Variants in ZNF18 observed in about 807,000 individuals in gnomAD.
ZNF18 encodes the protein zinc finger protein 18.
A neutral mutation model predicts 58.1 loss-of-function variants in ZNF18; 42 were observed. The ratio of observed to expected loss-of-function variants is 0.72; its 90% CI spans 0.56 to 0.93. ZNF18 has a LOEUF of 0.93. Ranked by LOEUF, ZNF18 falls within the 40% of genes least tolerant of loss-of-function variation. ZNF18 has a pLI of 0.00. For missense variants in ZNF18, 540 were observed against 644.2 expected (o/e 0.84, Z 1.75); for synonymous variants, 231 against 239.8 (o/e 0.96, Z 0.34).
At position 11,990,512 on chromosome 17, in the gene ZNF18, G is replaced by A; in HGVS notation, c.616C>T (p.Leu206=). 1 of 1,612,540 alleles carries A rather than the reference G, an allele frequency of 6.2e-7. No homozygotes were observed. The highest frequency in any genetic ancestry group is 8.5e-7 in the Non-Finnish European group (1 of 1,179,692). The change falls in exon 4 of 7, where the codon CTG becomes TTG. Residue 206 remains leucine (L), a synonymous_variant. Transcript: ENST00000580306. ...ASQPARLEER[L]IRDQDLGASL... ...GCTCCGAGGTCCTGGTCTCTGATCA[G>A]CCTTTCCTCCAGTCGGGCAGGCTGG...
chr17:11,991,693 A>C (rs189850435), intron 2 of ZNF18, among the ~76,000 whole-genome samples: 10 of 152,258 alleles, frequency 6.6e-5, no homozygotes, highest in African/African-American at 1.7e-4. Flanking sequence ...ATTCATAAGG[A>C]GCCCTTCTCA....
the ZNF18 span, among the ~76,000 whole-genome samples, chr17:12,020,023 A>G: frequency 1.3e-5 from 2 of 152,214 alleles, no homozygotes; most frequent in Non-Finnish European, 2.9e-5. Context: ...TTCCTAAAAT[A>G]AAAGTCTCTG....
chr17:11,982,169 C>T (rs1967405924), intron 6 of ZNF18, among the ~76,000 whole-genome samples: 1 of 152,204 alleles, frequency 6.6e-6, no homozygotes, highest in Admixed American at 6.5e-5. Context: ...ACTTCCCAAC[C>T]TCCAGAAATG....
intron 6 of ZNF18, among the ~76,000 whole-genome samples, chr17:11,982,020 TCCTCTCCCTCTCTCACCTCCC>T (rs1427752605): frequency 6.6e-6 from 1 of 151,840 alleles, no homozygotes; most frequent in Non-Finnish European, 1.5e-5. Flanking sequence ...TCCTGTCTCC[TCCTCTCCCTCTCTCACCTCCC>T]CCTCTCCCAG....
At chr17:11,990,214 GAA>G (rs982015290) in intron 4 of ZNF18, among the ~76,000 whole-genome samples, 5 of 151,870 alleles carry the variant, frequency 3.3e-5, no homozygotes, top group African/African-American at 1.2e-4. Context: ...TAAAAAATGA[GAA>G]TACACTGAAA....
intron 2 of ZNF18, among the ~76,000 whole-genome samples, chr17:11,992,211 T>C (rs1262238198): frequency 2.0e-5 from 3 of 152,184 alleles, no homozygotes; most frequent in Non-Finnish European, 2.9e-5. Context: ...GACTTGTGAC[T>C]GGCATCTGAG....
upstream of ZNF18, among the ~76,000 whole-genome samples, chr17:12,000,600 G>A (rs970683910): frequency 6.6e-6 from 1 of 152,048 alleles, no homozygotes; most frequent in Non-Finnish European, 1.5e-5. Flanking sequence ...ATACAAACTG[G>A]CACCTTAAGA....
upstream of ZNF18, among the ~76,000 whole-genome samples, chr17:11,999,807 A>G (rs896653971): frequency 4.6e-5 from 7 of 152,378 alleles, no homozygotes; most frequent in African/African-American, 1.7e-4. Flanking sequence ...TGCAAGTTAT[A>G]TAGGATGGTC....
At chr17:11,994,773 A>G (rs1042869242) in intron 1 of ZNF18, among the ~76,000 whole-genome samples, 4 of 152,096 alleles carry the variant, frequency 2.6e-5, no homozygotes, top group Admixed American at 1.3e-4. Context: ...CCTGGGAGGC[A>G]GAGCTTGCAG....
intron 4 of ZNF18, among the ~76,000 whole-genome samples, chr17:11,984,962 G>T (rs1445229917): frequency 6.6e-6 from 1 of 152,190 alleles, no homozygotes; most frequent in Non-Finnish European, 1.5e-5. Flanking sequence ...TGTTGGAAAA[G>T]CAAGTGCGAA....
chr17:12,006,961 A>G, the ZNF18 span, among the ~76,000 whole-genome samples: 4 of 152,224 alleles, frequency 2.6e-5, no homozygotes, highest in Non-Finnish European at 5.9e-5. Context: ...GAATTCTGTG[A>G]CTGTGGCCTC....
chr17:12,019,190 C>G, the ZNF18 span, among the ~76,000 whole-genome samples: 1 of 151,966 alleles, frequency 6.6e-6, no homozygotes, highest in South Asian at 2.1e-4. Context: ...TCACTAACTC[C>G]TGACCTCACG....
chr17:12,007,221 C>T, the ZNF18 span, among the ~76,000 whole-genome samples: 1 of 152,026 alleles, frequency 6.6e-6, no homozygotes, highest in Non-Finnish European at 1.5e-5. Context: ...TGTTGATCTC[C>T]CTTTTGAGCT....
the ZNF18 span, among the ~76,000 whole-genome samples, chr17:12,005,331 T>C: frequency 7.9e-5 from 12 of 152,224 alleles, no homozygotes; most frequent in East Asian, 2.1e-3. Context: ...TTCTCATACA[T>C]GAAAATCAAT....
At chr17:12,002,138 C>T (rs770965875), upstream of ZNF18, 1 of 152,114 alleles carries the variant, frequency 6.6e-6, no homozygotes, top group Non-Finnish European at 1.5e-5. Flanking sequence ...CAGTGGTTCA[C>T]GCCTGTTAAT....
chr17:11,989,362 A>C (rs1967955044), intron 4 of ZNF18, among the ~76,000 whole-genome samples: 1 of 152,180 alleles, frequency 6.6e-6, no homozygotes, highest in South Asian at 2.1e-4. Context: ...CAGGCATACA[A>C]AGAAGTGGGA....
the ZNF18 span, among the ~76,000 whole-genome samples, chr17:12,018,399 C>A: frequency 1.3e-5 from 2 of 152,172 alleles, no homozygotes; most frequent in Non-Finnish European, 2.9e-5. Flanking sequence ...GAGTTGGTGT[C>A]TTTTGAGGAC....
In ZNF18 at chr17:11,978,541, CT is replaced by C. The variant is rs1967134001; in HGVS notation, c.1065del (p.Glu357AsnfsTer14). On this transcript the variant is annotated frameshift_variant, in exon 7 of 7. Coordinates refer to ENST00000580306, the MANE Select transcript of ZNF18 (RefSeq NM_001303281.2). LOFTEE classifies it high-confidence loss of function. ...EALQNIQDEG[T>X]GEQLSPQERI... ...CTTTCTTGAGGAGACAGCTGTTCCCCTGTTCCCTCATCCTGAATGTTTTGCA... is the reference window on the plus strand; with the variant it reads ...CTTTCTTGAGGAGACAGCTGTTCCCCGTTCCCTCATCCTGAATGTTTTGCA... 1 of 1,612,764 alleles carries C rather than the reference CT, an allele frequency of 6.2e-7. No individual in the cohort carries two copies. The highest frequency in any genetic ancestry group is 1.1e-5 in the South Asian group (1 of 90,886).
chr17:11,992,557 G>A lies in ZNF18; in HGVS notation c.273C>T (p.Thr91=). 2 of 1,614,184 alleles carry A rather than the reference G, an allele frequency of 1.2e-6. No individual in the cohort carries two copies. Among genetic ancestry groups the A allele is most frequent in the South Asian group, 1.1e-5 (1 of 91,090 alleles). ...ACATCTGGATCTCCCCAGGCAGGATGGTCAGAAACTGCTCCAACATGAGGA... is the reference window on the plus strand; with the variant it reads ...ACATCTGGATCTCCCCAGGCAGGATAGTCAGAAACTGCTCCAACATGAGGA... ...LEILMLEQFL[T]ILPGEIQMWV... The change falls in exon 2 of 7, where the codon ACC becomes ACT. Residue 91 remains threonine (T), a synonymous_variant. Transcript: ENST00000580306.
Sources: gnomAD v4.1 joint callset for allele counts (sites outside exome capture counted in the v4.1 genomes callset) on GRCh38, gnomAD v4.1.1 for gene constraint, MANE v1.5 for transcripts, NCBI Gene and HGNC (gene_info 2026-07-23, HGNC 2026-07-21) for gene names.